KIRREL3: variants seen among roughly 807,000 people sequenced by gnomAD.
The protein encoded by KIRREL3 is kin of IRRE-like protein 3.
A neutral mutation model predicts 89.7 loss-of-function variants in KIRREL3; 36 were observed. The observed-to-expected ratio is 0.40, with a 90% confidence interval of 0.31 to 0.53. KIRREL3 has a LOEUF of 0.53. Ranked by LOEUF, KIRREL3 falls within the 20% of genes least tolerant of loss-of-function variation. KIRREL3 has a pLI of 0.49. For missense variants in KIRREL3, 864 were observed against 1,056.6 expected, an observed-to-expected ratio of 0.82 and a Z score of 2.53; for synonymous variants, 445 against 441.4, an observed-to-expected ratio of 1.01 and a Z score of -0.10.
In KIRREL3 at chr11:126,769,851, C is replaced by G. The variant is rs1949963791; in HGVS notation, c.56-206939G>C. Among the ~76,000 whole-genome samples, 1 of 152,138 alleles carries G rather than the reference C, an allele frequency of 6.6e-6. No individual in the cohort carries two copies. Among genetic ancestry groups the G allele is most frequent in the Admixed American group, 6.5e-5 (1 of 15,274 alleles). On this transcript the variant is annotated intron_variant, in intron 1 of 16. Coordinates refer to ENST00000525144, the MANE Select transcript of KIRREL3 (RefSeq NM_032531.4). This position sits in a 1 kb window ranked among gnomAD's most constrained non-coding sequence, Gnocchi z 4.3. Reference sequence around the variant, plus strand: ...ATCTTGTGCAACCTGCTCAATCTCTCTGAGTCTTGATTTCCTCATTTATAA... The same window carrying G: ...ATCTTGTGCAACCTGCTCAATCTCTGTGAGTCTTGATTTCCTCATTTATAA...
intron 1 of KIRREL3, among the ~76,000 whole-genome samples, chr11:126,871,876 C>A (rs1945121090): frequency 6.6e-6 from 1 of 152,220 alleles, no homozygotes; most frequent in African/African-American, 2.4e-5. Flanking sequence ...CCCCCAGTGC[C>A]TGTCTTCATG....
intron 1 of KIRREL3, among the ~76,000 whole-genome samples, chr11:126,751,550 G>A (rs1391427234): frequency 3.3e-5 from 5 of 152,110 alleles, no homozygotes; most frequent in African/African-American, 7.2e-5. Flanking sequence ...AGAGAGTTAC[G>A]ATGATTTTGG....
At chr11:126,646,421 C>T (rs549107639) in intron 1 of KIRREL3, among the ~76,000 whole-genome samples, 1 of 151,582 alleles carries the variant, frequency 6.6e-6, no homozygotes, top group Non-Finnish European at 1.5e-5. Flanking sequence ...AAACTCTTGT[C>T]TAATTGCAAA....
Position 126,946,096 on chromosome 11 carries a change from GA to G in KIRREL3, c.55+54358del, listed in dbSNP as rs1456996887. ...TTCAGGTAGTCACAAATCCTGACCA[GA>G]ATGGCTGAGATTTCTGAGCTGGAAC... On this transcript the variant is annotated intron_variant, in intron 1 of 16. Coordinates refer to ENST00000525144, the MANE Select transcript of KIRREL3 (RefSeq NM_032531.4). This position sits in a 1 kb window ranked among gnomAD's most constrained non-coding sequence, Gnocchi z 4.1. Among the ~76,000 whole-genome samples the G allele has an allele frequency of 6.6e-6, 1 of 152,160 alleles. No homozygotes were observed. Among genetic ancestry groups the G allele is most frequent in the Non-Finnish European group, 1.5e-5 (1 of 68,044 alleles).
Position 126,475,755 on chromosome 11 carries a change from G to A in KIRREL3, c.434-2289C>T, listed in dbSNP as rs1957045650. On this transcript the variant is annotated intron_variant, in intron 4 of 16. Coordinates refer to ENST00000525144, the MANE Select transcript of KIRREL3 (RefSeq NM_032531.4). The surrounding 1 kb of genome is among the most constrained non-coding windows in gnomAD (Gnocchi z 7.5). ...GGTGGGCCTGGCCACAGGGCAAAAC[G>A]GAGGCGGCTCAGGGCTTTCCACCAA... 6.6e-6 allele frequency among the ~76,000 whole-genome samples: 1 copy of A among 152,256 alleles called. No homozygotes were observed. Among genetic ancestry groups the A allele is most frequent in the South Asian group, 2.1e-4 (1 of 4,834 alleles).
rs548556774 is a variant in KIRREL3, at chr11:126,452,084, C to T, written c.849-2927G>A. Among the ~76,000 whole-genome samples the T allele has an allele frequency of 3.0e-4, 46 of 152,222 alleles. No individual in the cohort carries two copies. The South Asian group carries it at 3.7e-3, about 12-fold the overall frequency. On this transcript the variant is annotated intron_variant, in intron 7 of 16. Coordinates refer to ENST00000525144, the MANE Select transcript of KIRREL3 (RefSeq NM_032531.4). ...GTCTGACCCATCCAGCCCCGAGAGA[C>T]GACTGTTTCTTGGCATCAGACAGAA...
chr11:126,484,959 G>A lies in KIRREL3; in HGVS notation c.434-11493C>T, dbSNP rs1245521117. Among the ~76,000 whole-genome samples, 3 of 152,080 alleles carry A rather than the reference G, an allele frequency of 2.0e-5. No homozygotes were observed. Among genetic ancestry groups the A allele is most frequent in the African/African-American group, 7.2e-5 (3 of 41,410 alleles). ...GCCTTTTAAATAGCTGGGATTACAG[G>A]CACCTGCCACCACGCCTGGCTGATA... On this transcript the variant is annotated intron_variant, in intron 4 of 16. Coordinates refer to ENST00000525144, the MANE Select transcript of KIRREL3 (RefSeq NM_032531.4). This position sits in a 1 kb window ranked among gnomAD's most constrained non-coding sequence, Gnocchi z 5.2.
chr11:126,545,926 G>C (rs1938781252), intron 2 of KIRREL3, among the ~76,000 whole-genome samples: 1 of 152,232 alleles, frequency 6.6e-6, no homozygotes, highest in Non-Finnish European at 1.5e-5. Context: ...GCTTCATACA[G>C]TCCTGGGCTC....
Position 126,965,979 on chromosome 11 carries a change from C to A in KIRREL3, c.55+34476G>T, listed in dbSNP as rs1208635881. Among the ~76,000 whole-genome samples the A allele has an allele frequency of 2.0e-5, 3 of 152,060 alleles. No homozygotes were observed. Among genetic ancestry groups the A allele is most frequent in the Non-Finnish European group, 4.4e-5 (3 of 67,990 alleles). On this transcript the variant is annotated intron_variant, in intron 1 of 16. Transcript: ENST00000525144. This position sits in a 1 kb window ranked among gnomAD's most constrained non-coding sequence, Gnocchi z 4.4. ...ATCTACTTTAAATCTTTGGAAGGAA[C>A]AAATGGGGTCTTGAGAGTGTGACCA...
chr11:126,633,096 A>G (rs557642030), intron 1 of KIRREL3, among the ~76,000 whole-genome samples: 147 of 152,132 alleles, frequency 9.7e-4, no homozygotes, highest in Non-Finnish European at 1.5e-3. Flanking sequence ...AAATAAATAA[A>G]CTTAAAAAAT....
intron 13 of KIRREL3, 52 bp downstream of exon 13, chr11:126,435,216 A>G: frequency 1.9e-6 from 3 of 1,598,118 alleles, no homozygotes; most frequent in Non-Finnish European, 2.6e-6. Flanking sequence ...CCAGCTAGCC[A>G]GGAAGTCCCT....
Position 126,993,021 on chromosome 11 carries a change from C to G in KIRREL3, c.55+7434G>C, listed in dbSNP as rs1177424518. 2.0e-5 allele frequency among the ~76,000 whole-genome samples: 3 copies of G among 152,188 alleles called. No individual in the cohort carries two copies. The highest frequency in any genetic ancestry group is 2.0e-4 in the Admixed American group (3 of 15,288). ...ACCATTAAGGTCAGTTCCCCCCATACTTATTCTCTTGCTCACTTCATCCAT... is the reference window on the plus strand; with the variant it reads ...ACCATTAAGGTCAGTTCCCCCCATAGTTATTCTCTTGCTCACTTCATCCAT... On this transcript the variant is annotated intron_variant, in intron 1 of 16. Coordinates refer to ENST00000525144, the MANE Select transcript of KIRREL3 (RefSeq NM_032531.4). This position sits in a 1 kb window ranked among gnomAD's most constrained non-coding sequence, Gnocchi z 6.1.
rs1956621187 is a variant in KIRREL3, at chr11:126,463,526, A to T, written c.592-219T>A. Among the ~76,000 whole-genome samples the T allele has an allele frequency of 6.6e-6, 1 of 152,226 alleles. No homozygotes were observed. ...GTGCTGGGCTGTGGAAGGAAAAAGG[A>T]ACTAGACAGTTTTCCACCATGTGAA... On this transcript the variant is annotated intron_variant, in intron 5 of 16. Transcript: ENST00000525144. This position sits in a 1 kb window ranked among gnomAD's most constrained non-coding sequence, Gnocchi z 5.9.
At chr11:126,518,249 C>T (rs187394545) in intron 4 of KIRREL3, among the ~76,000 whole-genome samples, 4 of 152,348 alleles carry the variant, frequency 2.6e-5, no homozygotes, top group Admixed American at 2.6e-4. Context: ...GCCGAGTCCC[C>T]ATGCCTTCCC....
In KIRREL3 at chr11:126,653,217, C is replaced by T. The variant is rs949812976; in HGVS notation, c.56-90305G>A. ...ACAGTGCACTATCTACAGAATCCAA[C>T]GGAGGAGGCGGTACTGGGGCCCGTG... is the stretch of plus-strand genomic sequence containing the variant. On this transcript the variant is annotated intron_variant, in intron 1 of 16. Coordinates refer to ENST00000525144, the MANE Select transcript of KIRREL3 (RefSeq NM_032531.4). The surrounding 1 kb of genome is among the most constrained non-coding windows in gnomAD (Gnocchi z 5.4). 3.9e-5 allele frequency among the ~76,000 whole-genome samples: 6 copies of T among 152,152 alleles called. No individual in the cohort carries two copies. The highest frequency in any genetic ancestry group is 2.1e-4 in the South Asian group (1 of 4,830).
rs139440504 is a variant in KIRREL3 at position 126,651,641 on chromosome 11, C to T, written c.56-88729G>A. Among the ~76,000 whole-genome samples the T allele has an allele frequency of 1.5e-3, 226 of 152,264 alleles. 1 individual carries two copies. The highest frequency in any genetic ancestry group is 6.8e-3 in the Middle Eastern group (2 of 294). On this transcript the variant is annotated intron_variant, in intron 1 of 16. Transcript: ENST00000525144. The surrounding 1 kb of genome is among the most constrained non-coding windows in gnomAD (Gnocchi z 4.6). ...TGATTATAGATGCATAATGAATTTA[C>T]CAAATTTGTGGGTATTATGGAGATA... is the stretch of plus-strand genomic sequence containing the variant.
At chr11:126,899,368 C>G (rs1184489947) in intron 1 of KIRREL3, among the ~76,000 whole-genome samples, 1 of 152,086 alleles carries the variant, frequency 6.6e-6, no homozygotes, top group East Asian at 1.9e-4. Flanking sequence ...TGTGACCCAG[C>G]AACTATTAAA....
rs1943302192 is a variant in KIRREL3 at position 126,615,415 on chromosome 11, C to T, written c.56-52503G>A. Reference sequence around the variant, plus strand: ...TTAGAAGTAAGTATATTTATTACCCCACTCTACAGTTAAGGAAACCAGAGC... The same window carrying T: ...TTAGAAGTAAGTATATTTATTACCCTACTCTACAGTTAAGGAAACCAGAGC... On this transcript the variant is annotated intron_variant, in intron 1 of 16. Coordinates refer to ENST00000525144, the MANE Select transcript of KIRREL3 (RefSeq NM_032531.4). The surrounding 1 kb of genome is among the most constrained non-coding windows in gnomAD (Gnocchi z 5.4). 6.6e-6 allele frequency among the ~76,000 whole-genome samples: 1 copy of T among 152,088 alleles called. No homozygotes were observed. Among genetic ancestry groups the T allele is most frequent in the Non-Finnish European group, 1.5e-5 (1 of 68,026 alleles).
intron 1 of KIRREL3, among the ~76,000 whole-genome samples, chr11:126,820,101 G>A (rs1484026679): frequency 6.6e-6 from 1 of 152,200 alleles, no homozygotes; most frequent in East Asian, 1.9e-4. Context: ...AAGTCCTGGG[G>A]GTACACCAAT....
Sources: gnomAD v4.1 joint callset for allele counts (sites outside exome capture counted in the v4.1 genomes callset) on GRCh38, gnomAD v4.1.1 for gene constraint, Gnocchi (gnomAD v3.1) non-coding constraint, MANE v1.5 for transcripts, NCBI Gene and HGNC (gene_info 2026-07-23, HGNC 2026-07-21) for gene names.